The following NCOR1 variants were observed in gnomAD, a reference collection of about 807,000 sequenced individuals.
The protein encoded by NCOR1 is protein phosphatase 1, regulatory subunit 109.
In NCOR1, 63 loss-of-function variants were observed where a neutral mutation model predicts 288.1. The ratio of observed to expected loss-of-function variants is 0.22; its 90% CI spans 0.18 to 0.27. The LOEUF is 0.27. NCOR1 is among the 10% of genes least tolerant of loss of function. NCOR1 has a pLI of 1.00. For synonymous variants in NCOR1, 1,007 were observed against 1,065.9 expected, an observed-to-expected ratio of 0.94 and a Z score of 1.08; for missense variants, 2,397 against 3,019.2, an observed-to-expected ratio of 0.79 and a Z score of 4.83.
chr17:16,053,947 G>A (rs1256789104), intron 40 of NCOR1, among the ~76,000 whole-genome samples: 1 of 151,122 alleles, frequency 6.6e-6, no homozygotes, highest in African/African-American at 2.4e-5. Context: ...AATGAGGAAA[G>A]AATTCCCTAT....
chr17:16,109,397 A>G (rs1470406685), intron 18 of NCOR1, among the ~76,000 whole-genome samples: 1 of 152,058 alleles, frequency 6.6e-6, no homozygotes, highest in Non-Finnish European at 1.5e-5. Context: ...ATGAATATAA[A>G]TATTTATGTA....
rs1218936029 is a variant in NCOR1 at position 16,031,156 on chromosome 17, C to T, written c.*1140G>A. On this transcript the variant is annotated 3_prime_UTR_variant, in exon 46 of 46. Coordinates refer to ENST00000268712, the MANE Select transcript of NCOR1 (RefSeq NM_006311.4). ...ACCTTGAGACTCTGTGAAATGAAAACATTTAACAGTAAACTCTTGTCCCAA... is the reference window on the plus strand; with the variant it reads ...ACCTTGAGACTCTGTGAAATGAAAATATTTAACAGTAAACTCTTGTCCCAA... 1 of 196,714 alleles carries T rather than the reference C, an allele frequency of 5.1e-6. No individual in the cohort carries two copies. The highest frequency in any genetic ancestry group is 7.9e-5 in the East Asian group (1 of 12,624). 12.2% of individuals were successfully genotyped at this position (196,714 alleles called of 1,614,324 possible).
chr17:16,111,472 T>C (rs2070154732), intron 18 of NCOR1, among the ~76,000 whole-genome samples: 2 of 152,100 alleles, frequency 1.3e-5, no homozygotes, highest in Middle Eastern at 3.4e-3. Flanking sequence ...CATGGTGGTG[T>C]GTGCCTGTAA....
intron 8 of NCOR1, among the ~76,000 whole-genome samples, chr17:16,150,601 A>C (rs893738076): frequency 6.6e-6 from 1 of 152,164 alleles, no homozygotes; most frequent in African/African-American, 2.4e-5. Context: ...CTGAGCACTA[A>C]ATAGGCAATG....
chr17:16,153,213 C>G lies in NCOR1; in HGVS notation c.789+126G>C, dbSNP rs1426494501. On this transcript the variant is annotated intron_variant, in intron 7 of 45. Coordinates refer to ENST00000268712, the MANE Select transcript of NCOR1 (RefSeq NM_006311.4). ...TCATTACTTTAAACTTCATCTCAAG[C>G]TACATCTCTGCTCAGCTACATCTCT... 4.7e-6 allele frequency: 3 copies of G among 632,616 alleles called. No homozygotes were observed. The African/African-American group carries it at 5.5e-5, about 12-fold the overall frequency. The allele number at this position is 632,616 out of a possible 1,614,324, so 39.2% of individuals were successfully genotyped here.
At chr17:16,127,350 T>TATACATGTATGTATAC (rs2074508164) in intron 14 of NCOR1, among the ~76,000 whole-genome samples, 1 of 141,622 alleles carries the variant, frequency 7.1e-6, no homozygotes, top group South Asian at 2.1e-4. Context: ...TGTATGTATA[T>TATACATGTATGTATAC]ATGTATGTAT....
Position 16,061,662 on chromosome 17 carries a change from C to T in NCOR1, c.5620G>A (p.Glu1874Lys), listed in dbSNP as rs2152604094. ...QQLEQKTLEVEKRSVQCLYTS... is the reference protein window; with the variant it reads ...QQLEQKTLEVKKRSVQCLYTS... ...TATAAACACTGAACAGATCTCTTCTCCACCTCCAGGGTTTTCTGCTCTAGC... is the reference window on the plus strand; with the variant it reads ...TATAAACACTGAACAGATCTCTTCTTCACCTCCAGGGTTTTCTGCTCTAGC... The change falls in exon 37 of 46, where the codon GAG becomes AAG. Residue 1874 changes from glutamate to lysine, a missense_variant. Physicochemically the swap from Glu to Lys is moderately conservative, Grantham distance 56. Coordinates refer to ENST00000268712, the MANE Select transcript of NCOR1 (RefSeq NM_006311.4). 6.2e-7 allele frequency: 1 copy of T among 1,614,222 alleles called. No individual in the cohort carries two copies. Among genetic ancestry groups the T allele is most frequent in the Non-Finnish European group, 8.5e-7 (1 of 1,180,044 alleles).
intron 45 of NCOR1, among the ~76,000 whole-genome samples, chr17:16,033,652 G>GTTTTA (rs10646922): frequency 0.58 from 87,434 of 151,474 alleles, 25,791 homozygotes; most frequent in African/African-American, 0.66. Flanking sequence ...TAATATCCCA[G>GTTTTA]TTTTAAAAGT....
intron 6 of NCOR1, among the ~76,000 whole-genome samples, chr17:16,158,115 A>G (rs961250912): frequency 2.0e-4 from 30 of 152,096 alleles, no homozygotes; most frequent in Admixed American, 1.0e-3. Flanking sequence ...CTGGGACTAC[A>G]GGCATGCGCC....
chr17:16,164,243 G>GA (rs34172004), intron 5 of NCOR1, among the ~76,000 whole-genome samples: 67,876 of 138,762 alleles, frequency 0.49, 16,695 homozygotes, highest in Middle Eastern at 0.59. Flanking sequence ...TCCAAATCTG[G>GA]AAAAAAAAAA....
rs2092466994 is a variant in NCOR1, at chr17:16,215,399, G to A, written c.-108C>T. 3 of 395,714 alleles carry A rather than the reference G, an allele frequency of 7.6e-6. No individual in the cohort carries two copies. Among genetic ancestry groups the A allele is most frequent in the Middle Eastern group, 6.4e-4 (1 of 1,572 alleles). 24.5% of individuals were successfully genotyped at this position (395,714 alleles called of 1,614,324 possible). On this transcript the variant is annotated 5_prime_UTR_variant, in exon 1 of 46. Transcript: ENST00000268712. Reference sequence around the variant, plus strand: ...AAGCGTGGGAGCCGACGTGCGCCCCGGCCTGAGGAGTGGGACGCGGCCACG... The same window carrying A: ...AAGCGTGGGAGCCGACGTGCGCCCCAGCCTGAGGAGTGGGACGCGGCCACG...
rs1294086808 is a variant in NCOR1, at chr17:16,186,218, C to T, written c.242+336G>A. Among the ~76,000 whole-genome samples the T allele has an allele frequency of 2.0e-5, 3 of 152,250 alleles. No individual in the cohort carries two copies. In the East Asian group the frequency reaches 5.8e-4, roughly 29 times the overall value. On this transcript the variant is annotated intron_variant, in intron 3 of 45. Coordinates refer to ENST00000268712, the MANE Select transcript of NCOR1 (RefSeq NM_006311.4). ...CTTCGGCGATAAAATAAAGCCTGGG[C>T]CCAACTCCAGAGATTGATTTAAGTG...
chr17:16,154,015 C>CTTTT lies in NCOR1; in HGVS notation c.733-624_733-621dup, dbSNP rs61436082. Among the ~76,000 whole-genome samples the CTTTT allele has an allele frequency of 6.6e-3, 729 of 109,728 alleles. 1 individual carries two copies. The highest frequency in any genetic ancestry group is 0.01 in the African/African-American group (272 of 26,348). The allele number at this position is 109,728 out of a possible 152,430, so 72.0% of individuals were successfully genotyped here. On this transcript the variant is annotated intron_variant, in intron 6 of 45. Transcript: ENST00000268712. ...ATATGTATTTGTAATATGCTATTTC[C>CTTTT]TTTTTTTTTTTTTTTTTTTTTTTTT...
chr17:16,054,414 A>C (rs1161232185), intron 40 of NCOR1, among the ~76,000 whole-genome samples: 1 of 152,204 alleles, frequency 6.6e-6, no homozygotes, highest in African/African-American at 2.4e-5. Context: ...ATGTGCCTGT[A>C]ATCCCAGCTA....
chr17:16,179,688 G>A (rs949785028), intron 3 of NCOR1, among the ~76,000 whole-genome samples: 15 of 152,112 alleles, frequency 9.9e-5, no homozygotes, highest in African/African-American at 3.6e-4. Flanking sequence ...AACAAAACTA[G>A]AGGCCAATCT....
intron 14 of NCOR1, among the ~76,000 whole-genome samples, chr17:16,127,651 G>GTA (rs569048511): frequency 3.5e-5 from 5 of 142,180 alleles, no homozygotes; most frequent in African/African-American, 1.4e-4. Flanking sequence ...ATGTGTATGT[G>GTA]TATATATACA....
intron 9 of NCOR1, among the ~76,000 whole-genome samples, chr17:16,147,324 G>A (rs141556052): frequency 0.018 from 2,732 of 152,092 alleles, 80 homozygotes; most frequent in African/African-American, 0.062. Context: ...CGGGAGAATC[G>A]CTTGAACCCA....
Position 16,140,242 on chromosome 17 carries a change from T to C in NCOR1, c.1174-1056A>G, listed in dbSNP as rs146271726. 2.0e-4 allele frequency among the ~76,000 whole-genome samples: 30 copies of C among 152,360 alleles called. 1 individual carries two copies. The highest frequency in any genetic ancestry group is 7.0e-4 in the African/African-American group (29 of 41,588). ...AAATTTAACAGAGATTTACTCGTCA[T>C]TGTAGAAATAATGGCTACATATTCC... On this transcript the variant is annotated intron_variant, in intron 11 of 45. Transcript: ENST00000268712.
chr17:16,065,075 T>C (rs1374348800), intron 33 of NCOR1, 56 bp from the exon 34 acceptor site: 4 of 1,513,910 alleles, frequency 2.6e-6, no homozygotes, highest in East Asian at 2.3e-5. Flanking sequence ...TACAGAACCA[T>C]ACATGACTTT....
Sources: gnomAD v4.1 joint callset for allele counts (sites outside exome capture counted in the v4.1 genomes callset) on GRCh38, gnomAD v4.1.1 for gene constraint, MANE v1.5 for transcripts, NCBI Gene and HGNC (gene_info 2026-07-23, HGNC 2026-07-21) for gene names.